The following CDK14 variants were observed in gnomAD, a reference collection of about 807,000 sequenced individuals.
CDK14 encodes cyclin-dependent kinase 14.
A neutral mutation model predicts 60.7 loss-of-function variants in CDK14; 34 were observed. The observed-to-expected ratio is 0.56, with a 90% CI of 0.43 to 0.75. The LOEUF (loss-of-function observed/expected upper bound fraction) is 0.75, where lower values mean the gene tolerates loss of function less well. CDK14 is among the 30% of genes least tolerant of loss of function. The pLI, the probability that CDK14 is intolerant of heterozygous loss-of-function variation, is 0.00. For missense variants in CDK14, 482 were observed against 564.1 expected (o/e 0.85, Z 1.47); for synonymous variants, 197 against 203.7 (o/e 0.97, Z 0.28).
At chr7:91,051,027 C>G (rs1797375673) in intron 11 of CDK14, among the ~76,000 whole-genome samples, 1 of 152,164 alleles carries the variant, frequency 6.6e-6, no homozygotes, top group Non-Finnish European at 1.5e-5. Context: ...GAACAGTTTA[C>G]TGGCAATTAG....
chr7:90,915,196 G>A (rs1793037429), intron 7 of CDK14, among the ~76,000 whole-genome samples: 1 of 152,134 alleles, frequency 6.6e-6, no homozygotes, highest in Admixed American at 6.5e-5. Context: ...CAGCACTTTG[G>A]GAGGCTGAGG....
intron 5 of CDK14, chr7:90,824,718 G>A (rs1267413208): frequency 1.3e-5 from 2 of 152,050 alleles, no homozygotes; most frequent in African/African-American, 4.8e-5. Context: ...TTGATCTATG[G>A]GGCTATTGTA....
intron 10 of CDK14, among the ~76,000 whole-genome samples, chr7:91,026,087 GCTC>G (rs1796562649): frequency 6.6e-6 from 1 of 151,832 alleles, no homozygotes; most frequent in African/African-American, 2.4e-5. Context: ...CTGTCCCTTT[GCTC>G]CTCTTTGTTG....
chr7:90,855,443 C>A (rs1790789647), intron 5 of CDK14, among the ~76,000 whole-genome samples: 1 of 152,114 alleles, frequency 6.6e-6, no homozygotes, highest in Non-Finnish European at 1.5e-5. Context: ...TTCCAGATAT[C>A]TCCTTTTTAG....
intron 8 of CDK14, among the ~76,000 whole-genome samples, chr7:90,952,244 G>A (rs150313989): frequency 0.023 from 3,483 of 152,192 alleles, 57 homozygotes; most frequent in Admixed American, 0.034. Context: ...GGAAAATGTC[G>A]GGAGCACTGT....
intron 5 of CDK14, among the ~76,000 whole-genome samples, 169 bp downstream of exon 5, chr7:90,790,821 A>G (rs554682612): frequency 1.6e-4 from 24 of 152,346 alleles, no homozygotes; most frequent in Admixed American, 1.4e-3. Context: ...GTCATGTCAA[A>G]TCATGTTAAA....
At position 90,901,033 on chromosome 7, in the gene CDK14, T is replaced by C. The variant is rs370986878; in HGVS notation, c.702+1680T>C. Reference sequence around the variant, plus strand: ...TTACATTTTATTTTCCCTTATCTCCTAATGGTCATGGAGAAATGGGTCTCA... The same window carrying C: ...TTACATTTTATTTTCCCTTATCTCCCAATGGTCATGGAGAAATGGGTCTCA... On this transcript the variant is annotated intron_variant, in intron 7 of 14. Transcript: ENST00000380050. 5.9e-5 allele frequency among the ~76,000 whole-genome samples: 9 copies of C among 152,324 alleles called. No individual in the cohort carries two copies. In the East Asian group the frequency reaches 1.3e-3, roughly 23 times the overall value.
intron 10 of CDK14, among the ~76,000 whole-genome samples, chr7:91,001,882 G>C (rs1795846061): frequency 6.6e-6 from 1 of 152,174 alleles, no homozygotes; most frequent in Non-Finnish European, 1.5e-5. Context: ...CTATGTTTAA[G>C]CCCAATGTAA....
chr7:91,074,046 T>C (rs1454613998), intron 11 of CDK14, among the ~76,000 whole-genome samples: 1 of 152,238 alleles, frequency 6.6e-6, no homozygotes, highest in East Asian at 1.9e-4. Context: ...TCCCACAAAA[T>C]AATACTAGGA....
intron 2 of CDK14, among the ~76,000 whole-genome samples, chr7:90,712,421 C>T (rs144051608): frequency 1.1e-4 from 16 of 151,726 alleles, no homozygotes; most frequent in South Asian, 2.1e-4. Flanking sequence ...TTGTCTCTGC[C>T]GTGTTTTAGC....
chr7:90,819,607 G>A (rs561348971), intron 5 of CDK14, among the ~76,000 whole-genome samples: 1 of 152,000 alleles, frequency 6.6e-6, no homozygotes, highest in Non-Finnish European at 1.5e-5. Context: ...AAAGAAAAGA[G>A]AGAAGACATT....
At chr7:90,976,325 G>T (rs981720678) in intron 9 of CDK14, among the ~76,000 whole-genome samples, 1 of 151,842 alleles carries the variant, frequency 6.6e-6, no homozygotes, top group Non-Finnish European at 1.5e-5. Flanking sequence ...TCTTCTTTTG[G>T]AAAATGTCTG....
In CDK14 at chr7:90,985,558, T is replaced by C. The variant is rs143120997; in HGVS notation, c.1041+1317T>C. ...TGAAATCAGAGTTAGACAAATTAAG[T>C]AAGCGCAACGTTTAAATACAGCTAT... On this transcript the variant is annotated intron_variant, in intron 10 of 14. Coordinates refer to ENST00000380050, the MANE Select transcript of CDK14 (RefSeq NM_001287135.2). 2.0e-4 allele frequency among the ~76,000 whole-genome samples: 31 copies of C among 152,288 alleles called. No homozygotes were observed. The East Asian group carries it at 5.8e-3, about 28-fold the overall frequency.
intron 2 of CDK14, among the ~76,000 whole-genome samples, chr7:90,642,369 T>C (rs966624434): frequency 6.6e-6 from 1 of 152,208 alleles, no homozygotes; most frequent in Non-Finnish European, 1.5e-5. Flanking sequence ...AGTAAGTTAA[T>C]GTGGGATACT....
At chr7:90,875,347 TTTCAA>T (rs1161586084) in intron 6 of CDK14, among the ~76,000 whole-genome samples, 1 of 152,244 alleles carries the variant, frequency 6.6e-6, no homozygotes, top group Non-Finnish European at 1.5e-5. Context: ...GTTTATCTTC[TTTCAA>T]TTCTTTTGTG....
At chr7:90,980,939 G>A (rs1795211356) in intron 9 of CDK14, among the ~76,000 whole-genome samples, 1 of 152,110 alleles carries the variant, frequency 6.6e-6, no homozygotes, top group Non-Finnish European at 1.5e-5. Flanking sequence ...AGTAGTTCTG[G>A]CAATGTAATA....
intron 2 of CDK14, among the ~76,000 whole-genome samples, chr7:90,656,623 C>CT (rs1584773604): frequency 6.6e-6 from 1 of 152,114 alleles, no homozygotes; most frequent in African/African-American, 2.4e-5. Context: ...TGTGATCTGC[C>CT]TGCCTCGGCC....
intron 5 of CDK14, among the ~76,000 whole-genome samples, chr7:90,821,773 C>G (rs1192935790): frequency 6.6e-6 from 1 of 152,146 alleles, no homozygotes; most frequent in East Asian, 1.9e-4. Context: ...TTCCGGGGTC[C>G]CATCATTATC....
At chr7:91,001,228 T>C (rs1292305627) in intron 10 of CDK14, among the ~76,000 whole-genome samples, 3 of 152,210 alleles carry the variant, frequency 2.0e-5, no homozygotes, top group Non-Finnish European at 4.4e-5. Flanking sequence ...GATGACAGAT[T>C]AATTCCCTTC....
Sources: gnomAD v4.1 joint callset for allele counts (sites outside exome capture counted in the v4.1 genomes callset) on GRCh38, gnomAD v4.1.1 for gene constraint, MANE v1.5 for transcripts, NCBI Gene and HGNC (gene_info 2026-07-23, HGNC 2026-07-21) for gene names.